Variants in FOXP2 observed in about 807,000 individuals in gnomAD.
FOXP2 encodes the protein forkhead box P2.
A neutral mutation model predicts 115.8 loss-of-function variants in FOXP2; 12 were observed. The observed-to-expected ratio is 0.10, with a 90% CI of 0.07 to 0.17. The LOEUF (loss-of-function observed/expected upper bound fraction) is 0.17, where lower values mean the gene tolerates loss of function less well. Among genes scored for constraint, FOXP2 ranks in the 10% least tolerant of loss-of-function variants. The pLI is 1.00. For synonymous variants in FOXP2, 328 were observed against 297.7 expected (o/e 1.10, Z -1.05); for missense variants, 629 against 843.5 (o/e 0.75, Z 3.15).
At chr7:114,324,843 G>A (rs1797517882) in intron 2 of FOXP2, among the ~76,000 whole-genome samples, 1 of 151,808 alleles carries the variant, frequency 6.6e-6, no homozygotes, top group Admixed American at 6.6e-5. Flanking sequence ...TGAGCAAAAA[G>A]GGATTTATAT....
chr7:114,182,697 T>G (rs1224375708), intron 1 of FOXP2, among the ~76,000 whole-genome samples: 4 of 151,966 alleles, frequency 2.6e-5, no homozygotes, highest in Non-Finnish European at 4.4e-5. Flanking sequence ...AATCCTTGAA[T>G]ACGTCTATAG....
intron 2 of FOXP2, among the ~76,000 whole-genome samples, chr7:114,294,863 A>C (rs6965784): frequency 0.058 from 8,704 of 150,192 alleles, 631 homozygotes; most frequent in African/African-American, 0.16. Flanking sequence ...TAAATAAATA[A>C]ATACATACAT....
At chr7:114,329,999 G>T (rs1378198579) in intron 2 of FOXP2, among the ~76,000 whole-genome samples, 1 of 152,040 alleles carries the variant, frequency 6.6e-6, no homozygotes, top group Non-Finnish European at 1.5e-5. Flanking sequence ...TCTTTTAGTT[G>T]TTATAGTTAC....
intron 3 of FOXP2, among the ~76,000 whole-genome samples, chr7:114,555,892 G>C (rs1047836296): frequency 6.6e-6 from 1 of 152,082 alleles, no homozygotes. Flanking sequence ...TCATCACTAC[G>C]AATAGAAGAT....
chr7:114,363,903 A>G (rs899911392), intron 2 of FOXP2, among the ~76,000 whole-genome samples: 1 of 152,178 alleles, frequency 6.6e-6, no homozygotes, highest in African/African-American at 2.4e-5. Flanking sequence ...TCCTGTCTAT[A>G]AGAGATATTT....
At chr7:114,124,151 A>G (rs12670348) in intron 1 of FOXP2, among the ~76,000 whole-genome samples, 13,362 of 152,062 alleles carry the variant, frequency 0.088, 1,142 homozygotes, top group East Asian at 0.49. Flanking sequence ...ATTTGGAGAT[A>G]TATTGTTTGG....
chr7:114,138,474 C>G (rs1348931524), intron 1 of FOXP2, among the ~76,000 whole-genome samples: 1 of 151,718 alleles, frequency 6.6e-6, no homozygotes, highest in East Asian at 1.9e-4. Context: ...TCACTGCAAC[C>G]TCTGCCTCCC....
intron 16 of FOXP2, chr7:114,670,067 G>A (rs1481244694): frequency 6.6e-6 from 1 of 151,926 alleles, no homozygotes; most frequent in African/African-American, 2.4e-5. Flanking sequence ...GTCTCCTACT[G>A]TTGAGTTTTC....
At chr7:114,646,187 G>T (rs1805878936) in intron 8 of FOXP2, among the ~76,000 whole-genome samples, 2 of 151,214 alleles carry the variant, frequency 1.3e-5, no homozygotes, top group South Asian at 4.2e-4. Flanking sequence ...CCTTGTCATT[G>T]AAATTATGTA....
chr7:114,146,472 G>A (rs1353590192), intron 1 of FOXP2, among the ~76,000 whole-genome samples: 1 of 152,148 alleles, frequency 6.6e-6, no homozygotes, highest in Admixed American at 6.6e-5. Context: ...GAGTCACTCT[G>A]TTAATCAGTA....
intron 2 of FOXP2, among the ~76,000 whole-genome samples, chr7:114,405,795 T>C (rs907347260): frequency 1.3e-5 from 2 of 151,930 alleles, no homozygotes; most frequent in Non-Finnish European, 2.9e-5. Context: ...GAGATTTAAA[T>C]TTCTGGTATG....
intron 2 of FOXP2, among the ~76,000 whole-genome samples, chr7:114,444,708 G>C (rs1389395457): frequency 1.3e-5 from 2 of 152,114 alleles, no homozygotes; most frequent in Non-Finnish European, 2.9e-5. Flanking sequence ...TTTATTTTAA[G>C]ATTGATGACT....
At chr7:114,674,172 G>A (rs1807638997) in intron 16 of FOXP2, among the ~76,000 whole-genome samples, 2 of 152,122 alleles carry the variant, frequency 1.3e-5, no homozygotes, top group Non-Finnish European at 2.9e-5. Context: ...CAATGTAAGT[G>A]GCTGTAGTTT....
chr7:114,361,433 G>A (rs1791742465), intron 2 of FOXP2, among the ~76,000 whole-genome samples: 1 of 151,892 alleles, frequency 6.6e-6, no homozygotes, highest in South Asian at 2.1e-4. Flanking sequence ...GGCCAAGAAA[G>A]ACAATCCTAG....
At chr7:114,632,640 G>A (rs911624232) in intron 6 of FOXP2, among the ~76,000 whole-genome samples, 1 of 152,110 alleles carries the variant, frequency 6.6e-6, no homozygotes, top group Non-Finnish European at 1.5e-5. Context: ...AAGAAAATCA[G>A]GAGTATCGTG....
At chr7:114,531,576 C>A (rs1269929253) in intron 2 of FOXP2, among the ~76,000 whole-genome samples, 1 of 151,780 alleles carries the variant, frequency 6.6e-6, no homozygotes, top group Non-Finnish European at 1.5e-5. Context: ...TTAAATCATT[C>A]CTGATCTCCT....
chr7:114,666,898 A>G (rs1371555058), intron 16 of FOXP2: 1 of 152,222 alleles, frequency 6.6e-6, no homozygotes, highest in South Asian at 2.1e-4. Flanking sequence ...AGTGCCTGGA[A>G]CATAATAATT....
At chr7:114,380,015 G>T (rs1411999586) in intron 2 of FOXP2, among the ~76,000 whole-genome samples, 1 of 152,128 alleles carries the variant, frequency 6.6e-6, no homozygotes, top group Non-Finnish European at 1.5e-5. Context: ...CCCAGAGGGG[G>T]TTACCCCATA....
At chr7:114,523,864 A>T (rs1798742455) in intron 2 of FOXP2, among the ~76,000 whole-genome samples, 1 of 152,144 alleles carries the variant, frequency 6.6e-6, no homozygotes, top group Non-Finnish European at 1.5e-5. Flanking sequence ...TATTACTCTT[A>T]TGAGGACTAA....
Sources: gnomAD v4.1 joint callset for allele counts (sites outside exome capture counted in the v4.1 genomes callset) on GRCh38, gnomAD v4.1.1 for gene constraint, MANE v1.5 for transcripts, NCBI Gene and HGNC (gene_info 2026-07-23, HGNC 2026-07-21) for gene names.